BSG: variants seen among roughly 807,000 people sequenced by gnomAD.
BSG encodes the protein basigin (Ok blood group).
A neutral mutation model predicts 43.1 loss-of-function variants in BSG; 37 were observed. The ratio of observed to expected loss-of-function variants is 0.86; its 90% CI spans 0.66 to 1.13. BSG has a LOEUF of 1.13. BSG is among the 50% of genes most tolerant of loss of function. BSG has a pLI of 0.00. For missense variants in BSG, 599 were observed against 554.2 expected, an observed-to-expected ratio of 1.08 and a Z score of -0.81; for synonymous variants, 309 against 238.7, an observed-to-expected ratio of 1.29 and a Z score of -2.72.
intron 1 of BSG, 23 bp downstream of exon 1, chr19:572,724 G>C (rs1202562344): frequency 2.3e-5 from 34 of 1,462,806 alleles, no homozygotes; most frequent in African/African-American, 8.8e-5. Flanking sequence ...TAGGGGGCGG[G>C]GGTGCGGTCC....
Position 581,452 on chromosome 19 carries a change from C to T in BSG, c.930C>T (p.Asp310=). 1 of 1,612,038 alleles carries T rather than the reference C, an allele frequency of 6.2e-7. No individual in the cohort carries two copies. Among genetic ancestry groups the T allele is most frequent in the Non-Finnish European group, 8.5e-7 (1 of 1,179,644 alleles). Residue 310 remains aspartate, a synonymous_variant, in exon 6 of 9, where the codon GAC becomes GAT. Transcript: ENST00000333511. The part of the protein sequence containing the change: ...RCNGTSSKGS[D]QAIITLRVRS... Reference sequence around the variant, plus strand: ...ACGGCACCAGCTCCAAGGGCTCCGACCAGGCCATCATCACGCTCCGCGTGC... The same window carrying T: ...ACGGCACCAGCTCCAAGGGCTCCGATCAGGCCATCATCACGCTCCGCGTGC...
rs778109714 is a variant in BSG, at chr19:577,849, GCAGC to G, written c.145_148del (p.Ser49ArgfsTer70). The G allele has an allele frequency of 1.8e-5, 27 of 1,534,208 alleles. No individual in the cohort carries two copies. The highest frequency in any genetic ancestry group is 2.2e-5 in the Non-Finnish European group (25 of 1,133,744). On this transcript the variant is annotated frameshift_variant, in exon 2 of 9. Coordinates refer to ENST00000333511, the MANE Select transcript of BSG (RefSeq NM_001728.4). LOFTEE classifies it high-confidence loss of function. ...GTGGAGCTGCACTGCGAGGCCGTGG[GCAGC>G]CCGGTGCCCGAGATCCAGTGGTGGT...
At chr19:571,666 C>CTT (rs1465480425), upstream of BSG, 8 of 762,908 alleles carry the variant, frequency 1.0e-5, no homozygotes, top group Admixed American at 1.4e-4. Flanking sequence ...GAAACCAGCA[C>CTT]TTAGAAAATT....
intron 1 of BSG, 67 bp downstream of exon 1, chr19:572,768 C>A: frequency 7.5e-7 from 1 of 1,331,360 alleles, no homozygotes; most frequent in Non-Finnish European, 9.7e-7. Context: ...GCGGTGCCGA[C>A]CCGAAGCCGA....
Position 582,861 on chromosome 19 carries a change from C to G in BSG, c.*117C>G. On this transcript the variant is annotated 3_prime_UTR_variant, in exon 9 of 9. Transcript: ENST00000333511. ...TAAAGAAAACCCACCCCGTAGATTCCCATCATACACTTCCTTCTTTTTTAA... is the reference window on the plus strand; with the variant it reads ...TAAAGAAAACCCACCCCGTAGATTCGCATCATACACTTCCTTCTTTTTTAA... 3.9e-6 allele frequency: 2 copies of G among 512,446 alleles called. No homozygotes were observed. Among genetic ancestry groups the G allele is most frequent in the South Asian group, 5.6e-5 (2 of 35,766 alleles). The allele number at this position is 512,446 out of a possible 1,614,324, so 31.7% of individuals were successfully genotyped here.
At chr19:574,177 C>T (rs1042438538) in intron 1 of BSG, among the ~76,000 whole-genome samples, 1 of 151,642 alleles carries the variant, frequency 6.6e-6, no homozygotes, top group African/African-American at 2.4e-5. Context: ...ATCGCTTGAA[C>T]CTGGGAGGTG....
rs150718850 is a variant in BSG, at chr19:573,405, C to A, written c.67+704C>A. On this transcript the variant is annotated intron_variant, in intron 1 of 8. Transcript: ENST00000333511. ...TTGGCGCTCCCTTCTGGAAAAGGGG[C>A]TTTTGTCCTCCAAGAGCACATGGAG... Among the ~76,000 whole-genome samples, 1,516 of 152,316 alleles carry A rather than the reference C, an allele frequency of 1.0e-2. 12 individuals carry two copies. The highest frequency in any genetic ancestry group is 0.017 in the Non-Finnish European group (1,166 of 68,020).
chr19:574,501 C>T (rs986610445), intron 1 of BSG, among the ~76,000 whole-genome samples: 2 of 151,128 alleles, frequency 1.3e-5, no homozygotes, highest in African/African-American at 2.4e-5. Flanking sequence ...TGCAGTGAGC[C>T]GAGATCGCGC....
At chr19:576,276 G>T (rs1981765817) in intron 1 of BSG, among the ~76,000 whole-genome samples, 1 of 152,226 alleles carries the variant, frequency 6.6e-6, no homozygotes, top group East Asian at 1.9e-4. Context: ...GTGGAGCCCA[G>T]CCCTGCAGGT....
In BSG at chr19:581,446, C is replaced by T. The variant is rs1248341863; in HGVS notation, c.924C>T (p.Gly308=). 1.2e-6 allele frequency: 2 copies of T among 1,612,242 alleles called. No homozygotes were observed. Among genetic ancestry groups the T allele is most frequent in the South Asian group, 2.2e-5 (2 of 91,008 alleles). Residue 308 remains glycine (G), a synonymous_variant, in exon 6 of 9, where the codon GGC becomes GGT. Transcript: ENST00000333511. ...QYRCNGTSSK[G]SDQAIITLRV... ...GGTGCAACGGCACCAGCTCCAAGGG[C>T]TCCGACCAGGCCATCATCACGCTCC...
In BSG at chr19:572,686, G is replaced by A. The variant is rs866702831; in HGVS notation, c.52G>A (p.Gly18Arg). Residue 18 changes from glycine (G) to arginine (R), a missense_variant, in exon 1 of 9, where the codon GGA becomes AGA. Gly to Arg is a moderately radical substitution (Grantham distance 125, BLOSUM62 -2). Transcript: ENST00000333511. ...GGGATTCGCGCTGCTGGGCACCCAC[G>A]GAGCCTCCGGGGCTGGTGAGGAGCG... ...LLGFALLGTH[G>R]ASGAAGFVQA... The A allele has an allele frequency of 1.3e-6, 2 of 1,493,224 alleles. No homozygotes were observed. The highest frequency in any genetic ancestry group is 1.8e-6 in the Non-Finnish European group (2 of 1,117,712). 92.5% of individuals were successfully genotyped at this position (1,493,224 alleles called of 1,614,324 possible).
intron 1 of BSG, 40 bp from the exon 2 acceptor site, chr19:577,734 C>G: frequency 7.5e-7 from 1 of 1,342,172 alleles, no homozygotes. Context: ...TCCCAAGTGC[C>G]CCAGGCACTA....
chr19:572,761 G>A (rs1284152807), intron 1 of BSG, 60 bp downstream of exon 1: 8 of 1,351,552 alleles, frequency 5.9e-6, no homozygotes, highest in Middle Eastern at 2.5e-4. Flanking sequence ...GGAGGCCGCG[G>A]TGCCGACCCG....
At chr19:575,584 G>T (rs1451680640) in intron 1 of BSG, among the ~76,000 whole-genome samples, 1 of 140,336 alleles carries the variant, frequency 7.1e-6, no homozygotes, top group Non-Finnish European at 1.5e-5. Flanking sequence ...GTTCTCGCTG[G>T]CTGCTGTCTG....
chr19:573,812 C>T (rs1038641103), intron 1 of BSG, among the ~76,000 whole-genome samples: 6 of 152,094 alleles, frequency 3.9e-5, no homozygotes, highest in African/African-American at 1.2e-4. Flanking sequence ...TTAGGAGGGC[C>T]GTGTGTTGAG....
chr19:573,868 GGT>G (rs1555725557), intron 1 of BSG, among the ~76,000 whole-genome samples: 3 of 152,198 alleles, frequency 2.0e-5, no homozygotes, highest in Non-Finnish European at 4.4e-5. Context: ...AATGGATTGA[GGT>G]GTGTTTTTCC....
chr19:579,378 G>C, intron 2 of BSG, 122 bp from the exon 3 acceptor site: 1 of 1,353,670 alleles, frequency 7.4e-7, no homozygotes, highest in Non-Finnish European at 1.0e-6. Context: ...TAAGGGCCAC[G>C]GTGTATTTTT....
intron 1 of BSG, among the ~76,000 whole-genome samples, chr19:574,543 A>G (rs1246464742): frequency 6.8e-6 from 1 of 146,648 alleles, no homozygotes; most frequent in Non-Finnish European, 1.5e-5. Flanking sequence ...ACAGAGCGAG[A>G]CCCCGTCTCA....
At chr19:576,680 G>GAACCC (rs1232535085) in intron 1 of BSG, among the ~76,000 whole-genome samples, 1 of 151,792 alleles carries the variant, frequency 6.6e-6, no homozygotes, top group Non-Finnish European at 1.5e-5. Context: ...AGAATTGCTT[G>GAACCC]AACCCGGGAG....
Sources: allele counts gnomAD v4.1 joint callset (sites outside exome capture counted in the v4.1 genomes callset), GRCh38; gene constraint gnomAD v4.1.1; transcripts MANE v1.5; gene names NCBI Gene and HGNC (gene_info 2026-07-23, HGNC 2026-07-21).